PCNX2: variants seen among roughly 807,000 people sequenced by gnomAD.
PCNX2 encodes pecanex-like protein 2.
In PCNX2, 168 loss-of-function variants were observed where a neutral mutation model predicts 223.8. The observed-to-expected ratio is 0.75, with a 90% CI of 0.66 to 0.85. The LOEUF (loss-of-function observed/expected upper bound fraction) is 0.85. Ranked by LOEUF, PCNX2 falls within the 40% of genes least tolerant of loss-of-function variation. PCNX2 has a pLI of 0.00. For missense variants in PCNX2, 2,507 were observed against 2,675.5 expected, an observed-to-expected ratio of 0.94 and a Z score of 1.39; for synonymous variants, 1,006 against 1,052.6, an observed-to-expected ratio of 0.96 and a Z score of 0.86.
intron 8 of PCNX2, among the ~76,000 whole-genome samples, chr1:233,240,446 G>T (rs887636149): frequency 1.3e-5 from 2 of 152,038 alleles, no homozygotes; most frequent in African/African-American, 2.4e-5. Flanking sequence ...AAGTGAAAGC[G>T]TTAAGTTTCA....
At chr1:233,109,287 C>T (rs1674981074) in intron 21 of PCNX2, among the ~76,000 whole-genome samples, 1 of 151,932 alleles carries the variant, frequency 6.6e-6, no homozygotes, top group African/African-American at 2.4e-5. Flanking sequence ...ATGAGGCACA[C>T]AAAAGGGCAA....
intron 21 of PCNX2, among the ~76,000 whole-genome samples, chr1:233,096,243 A>C (rs779002537): frequency 6.6e-6 from 1 of 152,156 alleles, no homozygotes; most frequent in Non-Finnish European, 1.5e-5. Flanking sequence ...TTTGCGTGTT[A>C]ATTTCATTTT....
intron 19 of PCNX2, among the ~76,000 whole-genome samples, chr1:233,141,449 T>G (rs1020721532): frequency 1.4e-4 from 22 of 152,188 alleles, no homozygotes; most frequent in Non-Finnish European, 2.2e-4. Flanking sequence ...GACAGATCAC[T>G]TGAGGTCAGG....
chr1:233,007,561 G>A (rs947045953), intron 28 of PCNX2, among the ~76,000 whole-genome samples: 1 of 151,898 alleles, frequency 6.6e-6, no homozygotes, highest in Non-Finnish European at 1.5e-5. Flanking sequence ...TTTTTGAGAC[G>A]GAGTCTCTCT....
At chr1:233,002,507 G>A (rs1670124648) in intron 28 of PCNX2, among the ~76,000 whole-genome samples, 1 of 152,020 alleles carries the variant, frequency 6.6e-6, no homozygotes. Context: ...AAATAAGAGA[G>A]GACACAAACA....
intron 23 of PCNX2, among the ~76,000 whole-genome samples, chr1:233,066,587 G>A (rs905144932): frequency 6.6e-6 from 1 of 152,216 alleles, no homozygotes; most frequent in African/African-American, 2.4e-5. Flanking sequence ...CTGTGTGCCT[G>A]GCTGTGCACT....
chr1:233,086,474 G>A (rs890971355), intron 23 of PCNX2, among the ~76,000 whole-genome samples: 2 of 151,828 alleles, frequency 1.3e-5, no homozygotes, highest in Admixed American at 6.6e-5. Context: ...TGGCTAACAC[G>A]GTGAAACCCC....
At chr1:233,319,698 C>CA in the PCNX2 span, among the ~76,000 whole-genome samples, 1 of 152,142 alleles carries the variant, frequency 6.6e-6, no homozygotes, top group Admixed American at 6.5e-5. Flanking sequence ...CCTTTGTGGA[C>CA]AATTCTCAAA....
At chr1:233,284,973 C>T (rs1290715002) in intron 1 of PCNX2, 19 of 985,190 alleles carry the variant, frequency 1.9e-5, no homozygotes, top group Admixed American at 6.2e-5. Flanking sequence ...TCAAACAGTC[C>T]GTGTTCCTAA....
chr1:233,188,266 C>T lies in PCNX2; in HGVS notation c.3067-9091G>A, dbSNP rs7547193. On this transcript the variant is annotated intron_variant, in intron 15 of 33. Coordinates refer to ENST00000258229, the MANE Select transcript of PCNX2 (RefSeq NM_014801.4). ...GCAGAGCTCAGCTCCCCCTGGCTGT[C>T]GGATTGCAGTCCCCATTTCCTGGAT... 6.7e-3 allele frequency among the ~76,000 whole-genome samples: 1,027 copies of T among 152,230 alleles called. 6 individuals are homozygous for T. The highest frequency in any genetic ancestry group is 0.031 in the Middle Eastern group (9 of 294).
rs550960548 is a variant in PCNX2, at chr1:233,218,546, A to G, written c.2505-362T>C. ...ATTACAGGCGTGAGCCACCGTGCCC[A>G]GCCAGTTTTGCCATTTTTAAACAGA... On this transcript the variant is annotated intron_variant, in intron 10 of 33. Coordinates refer to ENST00000258229, the MANE Select transcript of PCNX2 (RefSeq NM_014801.4). Among the ~76,000 whole-genome samples, 384 of 152,224 alleles carry G rather than the reference A, an allele frequency of 2.5e-3. 3 individuals carry two copies. The highest frequency in any genetic ancestry group is 7.7e-3 in the African/African-American group (321 of 41,528).
At chr1:233,207,763 G>A (rs1437763583) in intron 13 of PCNX2, among the ~76,000 whole-genome samples, 1 of 152,140 alleles carries the variant, frequency 6.6e-6, no homozygotes, top group African/African-American at 2.4e-5. Flanking sequence ...GTATGCAGGT[G>A]ACTTGTTTAA....
At chr1:233,050,450 C>T (rs1284825869) in intron 25 of PCNX2, among the ~76,000 whole-genome samples, 1 of 151,642 alleles carries the variant, frequency 6.6e-6, no homozygotes, top group Non-Finnish European at 1.5e-5. Flanking sequence ...CCTATAGTAA[C>T]CAAAACAGCA....
chr1:233,069,470 A>C (rs1195477189), intron 23 of PCNX2, among the ~76,000 whole-genome samples: 1 of 152,184 alleles, frequency 6.6e-6, no homozygotes, highest in Non-Finnish European at 1.5e-5. Context: ...ACATAAAATG[A>C]TCTCCACAAA....
At position 233,295,206 on chromosome 1, in the gene PCNX2, C is replaced by T. The variant is rs1447222431; in HGVS notation, c.153+120G>A. On this transcript the variant is annotated intron_variant, in intron 1 of 33. Transcript: ENST00000258229. This position sits in a 1 kb window ranked among gnomAD's most constrained non-coding sequence, Gnocchi z 4.1. Reference sequence around the variant, plus strand: ...CCAAATTTCTGAAGCCCCTCCCTTTCCGTCTCTTAAGAATCTCTACGAACC... The same window carrying T: ...CCAAATTTCTGAAGCCCCTCCCTTTTCGTCTCTTAAGAATCTCTACGAACC... 1 of 1,389,518 alleles carries T rather than the reference C, an allele frequency of 7.2e-7. No homozygotes were observed. Among genetic ancestry groups the T allele is most frequent in the East Asian group, 2.6e-5 (1 of 39,036 alleles). 86.1% of individuals were successfully genotyped at this position (1,389,518 alleles called of 1,614,324 possible).
intron 23 of PCNX2, among the ~76,000 whole-genome samples, chr1:233,066,437 G>C (rs952845763): frequency 6.6e-6 from 1 of 152,170 alleles, no homozygotes; most frequent in Non-Finnish European, 1.5e-5. Context: ...GAGTTTTTAG[G>C]TGCCACCATA....
At chr1:233,161,586 G>A (rs1397528943) in intron 17 of PCNX2, among the ~76,000 whole-genome samples, 2 of 152,124 alleles carry the variant, frequency 1.3e-5, no homozygotes, top group East Asian at 3.9e-4. Context: ...TGGTGGGGGA[G>A]AGGAATCACA....
chr1:233,042,941 A>G (rs113653019), intron 25 of PCNX2, among the ~76,000 whole-genome samples: 3 of 152,334 alleles, frequency 2.0e-5, no homozygotes, highest in Admixed American at 6.5e-5. Context: ...GTGAGGTGGA[A>G]GGGGCAGTCC....
intron 19 of PCNX2, among the ~76,000 whole-genome samples, chr1:233,150,686 C>G (rs552077502): frequency 6.6e-6 from 1 of 152,186 alleles, no homozygotes; most frequent in African/African-American, 2.4e-5. Flanking sequence ...TCTGGAAATT[C>G]ATTTGATACA....
Sources: allele counts gnomAD v4.1 joint callset (sites outside exome capture counted in the v4.1 genomes callset), GRCh38; gene constraint gnomAD v4.1.1; non-coding constraint Gnocchi (gnomAD v3.1); transcripts MANE v1.5; gene names NCBI Gene and HGNC (gene_info 2026-07-23, HGNC 2026-07-21).